The following NEBL variants were observed in gnomAD, a reference collection of about 807,000 sequenced individuals.
NEBL encodes LIM and SH3 protein 2.
NEBL carries 122 observed loss-of-function variants against 140.2 expected under a neutral mutation model. The ratio of observed to expected loss-of-function variants is 0.87; its 90% confidence interval spans 0.75 to 1.01. NEBL has a LOEUF of 1.01. NEBL is among the 50% of genes least tolerant of loss of function. NEBL has a pLI of 0.00. For synonymous variants in NEBL, 436 were observed against 398.9 expected (o/e 1.09, Z -1.11); for missense variants, 1,365 against 1,231.3 (o/e 1.11, Z -1.62).
intron 4 of NEBL, among the ~76,000 whole-genome samples, chr10:20,943,357 G>T (rs183930943): frequency 6.6e-6 from 1 of 152,108 alleles, no homozygotes; most frequent in African/African-American, 2.4e-5. Flanking sequence ...ACCAAACACC[G>T]CATGTTCTCA....
At chr10:21,251,168 T>A (rs1842583514) in intron 2 of NEBL, among the ~76,000 whole-genome samples, 1 of 152,228 alleles carries the variant, frequency 6.6e-6, no homozygotes, top group Non-Finnish European at 1.5e-5. Context: ...TGGTAGTAGC[T>A]GTTTCTTTTA....
At chr10:20,819,097 T>C in intron 20 of NEBL, 8 of 1,004,456 alleles carry the variant, frequency 8.0e-6, no homozygotes, top group Non-Finnish European at 1.0e-5. Flanking sequence ...CAGCGGTACA[T>C]GTGCAGGTTT....
intron 1 of NEBL, among the ~76,000 whole-genome samples, chr10:21,172,994 G>A (rs530671590): frequency 1.7e-4 from 26 of 152,310 alleles, no homozygotes; most frequent in Non-Finnish European, 3.1e-4. Flanking sequence ...TGACTGTCAG[G>A]ATGGCAGCTT....
At chr10:21,214,019 C>G (rs1841953629) in intron 3 of NEBL, among the ~76,000 whole-genome samples, 1 of 152,070 alleles carries the variant, frequency 6.6e-6, no homozygotes, top group African/African-American at 2.4e-5. Flanking sequence ...TTATAAAACT[C>G]AGCAGTTTTG....
chr10:20,893,854 T>C (rs2131391013), intron 2 of NEBL, among the ~76,000 whole-genome samples: 1 of 152,304 alleles, frequency 6.6e-6, no homozygotes, highest in South Asian at 2.1e-4. Flanking sequence ...TTAAAGATGA[T>C]GGGTCCTAAG....
intron 3 of NEBL, among the ~76,000 whole-genome samples, chr10:21,235,139 T>C (rs990943108): frequency 2.0e-5 from 3 of 151,802 alleles, no homozygotes; most frequent in Non-Finnish European, 4.4e-5. Flanking sequence ...TACAAAAACG[T>C]ACAAAAATTA....
rs545287081 is a variant in NEBL, at chr10:21,133,754, G to T, written c.164+38629C>A. Among the ~76,000 whole-genome samples the T allele has an allele frequency of 4.6e-5, 7 of 152,168 alleles. No homozygotes were observed. The South Asian group carries it at 1.5e-3, about 32-fold the overall frequency. Reference sequence around the variant, plus strand: ...TGTCTCAAAATAATAGCCGTGTAGGGTTTGGTTGGGTGATGTGGCTGTCAT... The same window carrying T: ...TGTCTCAAAATAATAGCCGTGTAGGTTTTGGTTGGGTGATGTGGCTGTCAT... On this transcript the variant is annotated intron_variant, in intron 2 of 6. Transcript: ENST00000417816.
At chr10:21,013,833 G>A (rs1274611688) in intron 3 of NEBL, among the ~76,000 whole-genome samples, 3 of 152,082 alleles carry the variant, frequency 2.0e-5, no homozygotes, top group East Asian at 1.9e-4. Flanking sequence ...AACTGAGATC[G>A]TGCCACTGCA....
chr10:20,856,656 A>T lies in NEBL; in HGVS notation c.903+1584T>A, dbSNP rs1308652165. ...TGTAAAAAGAGGTGTGGGAATGAAGACTGAAGTGCAAGCCAGCATGATGTA... is the reference window on the plus strand; with the variant it reads ...TGTAAAAAGAGGTGTGGGAATGAAGTCTGAAGTGCAAGCCAGCATGATGTA... On this transcript the variant is annotated intron_variant, in intron 9 of 27. Transcript: ENST00000377122. Among the ~76,000 whole-genome samples, 7 of 152,158 alleles carry T rather than the reference A, an allele frequency of 4.6e-5. No individual in the cohort carries two copies. The East Asian group carries it at 1.3e-3, about 29-fold the overall frequency.
intron 2 of NEBL, among the ~76,000 whole-genome samples, chr10:21,072,785 G>T (rs1447833057): frequency 2.6e-5 from 4 of 152,176 alleles, no homozygotes; most frequent in African/African-American, 4.8e-5. Context: ...GAGGTTAGGA[G>T]TTCGAGACCA....
chr10:20,907,842 TA>T (rs1848162767), intron 4 of NEBL, among the ~76,000 whole-genome samples: 1 of 152,226 alleles, frequency 6.6e-6, no homozygotes, highest in African/African-American at 2.4e-5. Flanking sequence ...ATTGGTACTT[TA>T]AAACTGCTGG....
intron 13 of NEBL, among the ~76,000 whole-genome samples, chr10:20,836,975 CTCCACTGATCAGCCG>C (rs1840962178): frequency 6.6e-6 from 1 of 152,162 alleles, no homozygotes; most frequent in South Asian, 2.1e-4. Flanking sequence ...GTTCTGGCTG[CTCCACTGATCAGCCG>C]TTCCTCTATC....
At chr10:21,021,932 C>G (rs973034139) in intron 2 of NEBL, among the ~76,000 whole-genome samples, 10 of 152,184 alleles carry the variant, frequency 6.6e-5, no homozygotes, top group Non-Finnish European at 1.5e-4. Flanking sequence ...GGAGCCCATG[C>G]CTTGGCTACA....
intron 2 of NEBL, among the ~76,000 whole-genome samples, chr10:21,167,403 C>A (rs1037406372): frequency 6.6e-6 from 1 of 152,122 alleles, no homozygotes; most frequent in Non-Finnish European, 1.5e-5. Flanking sequence ...AAATGTTCAG[C>A]CCAAAAATAT....
At chr10:20,873,657 C>T (rs897722972) in intron 5 of NEBL, among the ~76,000 whole-genome samples, 3 of 152,122 alleles carry the variant, frequency 2.0e-5, no homozygotes, top group Non-Finnish European at 2.9e-5. Context: ...CAAGGTATGA[C>T]GGTATGAAAT....
intron 2 of NEBL, among the ~76,000 whole-genome samples, chr10:21,094,076 G>A (rs1255126972): frequency 6.6e-6 from 1 of 152,174 alleles, no homozygotes; most frequent in Non-Finnish European, 1.5e-5. Flanking sequence ...AAAAGACCGG[G>A]CTGGGTGTGG....
At chr10:20,846,315 T>C (rs145676143) in intron 11 of NEBL, among the ~76,000 whole-genome samples, 81 of 152,316 alleles carry the variant, frequency 5.3e-4, no homozygotes, top group African/African-American at 1.8e-3. Flanking sequence ...CTGCATGAAA[T>C]TGTTATTCAG....
intron 1 of NEBL, among the ~76,000 whole-genome samples, chr10:21,283,128 T>A (rs1232872259): frequency 1.1e-5 from 1 of 90,614 alleles, no homozygotes; most frequent in Non-Finnish European, 2.3e-5. Context: ...AGGGCAAGAC[T>A]GTGTCTCAAA....
At chr10:21,098,236 A>G (rs1420235104) in intron 2 of NEBL, among the ~76,000 whole-genome samples, 1 of 152,172 alleles carries the variant, frequency 6.6e-6, no homozygotes, top group Non-Finnish European at 1.5e-5. Context: ...GTGCACACAT[A>G]CGTACACACA....
Sources: gnomAD v4.1 joint callset for allele counts (sites outside exome capture counted in the v4.1 genomes callset) on GRCh38, gnomAD v4.1.1 for gene constraint, MANE v1.5 for transcripts, NCBI Gene and HGNC (gene_info 2026-07-23, HGNC 2026-07-21) for gene names.